The following ZNF703 variants were observed in gnomAD, a reference collection of about 807,000 sequenced individuals.
The protein encoded by ZNF703 is NocA-like zinc finger 1.
ZNF703 carries 18 observed loss-of-function variants against 30.7 expected under a neutral mutation model. The observed-to-expected ratio is 0.59, with a 90% confidence interval of 0.40 to 0.87. The LOEUF (loss-of-function observed/expected upper bound fraction) is 0.87, where lower values mean the gene tolerates loss of function less well. ZNF703 is among the 40% of genes least tolerant of loss of function. The probability of loss-of-function intolerance (pLI) is 0.00; values close to 1 mark genes in which losing one functional copy is unlikely to be tolerated. For missense variants in ZNF703, 814 were observed against 847.8 expected (o/e 0.96, Z 0.50); for synonymous variants, 457 against 438.6 (o/e 1.04, Z -0.52).
Position 37,695,946 on chromosome 8 carries a change from C to T in ZNF703, c.-34C>T. ...CTCGCCTCCCCGGTGCTCCCCCGCC[C>T]TCCCCGCCCCCCCAGCGGCGCTGCC... is the stretch of plus-strand genomic sequence containing the variant. On this transcript the variant is annotated 5_prime_UTR_variant, in exon 1 of 2. Coordinates refer to ENST00000331569, the MANE Select transcript of ZNF703 (RefSeq NM_025069.3). 2 of 1,455,138 alleles carry T rather than the reference C, an allele frequency of 1.4e-6. No individual in the cohort carries two copies. Among genetic ancestry groups the T allele is most frequent in the Non-Finnish European group, 1.8e-6 (2 of 1,099,540 alleles). 90.1% of individuals were successfully genotyped at this position (1,455,138 alleles called of 1,614,324 possible). A position where few individuals can be genotyped will look rare whatever the true frequency, so the allele number is the denominator to read the frequency against.
rs753391960 is a variant in ZNF703, at chr8:37,696,027, C to G, written c.48C>G (p.Ser16Arg). 8.4e-6 allele frequency: 13 copies of G among 1,550,784 alleles called. No homozygotes were observed. Among genetic ancestry groups the G allele is most frequent in the Admixed American group, 5.8e-5 (3 of 51,302 alleles). Reference sequence around the variant, plus strand: ...CTAACCCAAGGACACCCGAAAGCAGCGGCAGCGGCAGCGGCGGCGGCGGGA... The same window carrying G: ...CTAACCCAAGGACACCCGAAAGCAGGGGCAGCGGCAGCGGCGGCGGCGGGA... ...AGSNPRTPESSGSGSGGGGKR... is the reference protein window; with the variant it reads ...AGSNPRTPESRGSGSGGGGKR... The change falls in exon 1 of 2, where the codon AGC becomes AGG. Residue 16 changes from serine to arginine, a missense_variant. Ser to Arg is a moderately radical substitution (Grantham distance 110). Transcript: ENST00000331569. This position sits in a 1 kb window ranked among gnomAD's most constrained non-coding sequence, Gnocchi z 8.2.
rs904162748 is a variant in ZNF703 at position 37,696,959 on chromosome 8, G to T, written c.244-186G>T. On this transcript the variant is annotated intron_variant, in intron 1 of 1. Coordinates refer to ENST00000331569, the MANE Select transcript of ZNF703 (RefSeq NM_025069.3). This position sits in a 1 kb window ranked among gnomAD's most constrained non-coding sequence, Gnocchi z 8.2. Reference sequence around the variant, plus strand: ...CCGCAGGGCCTGCGGCGCACCCCGGGACCCAGCGGCAGTGTGGGCGCAGTT... The same window carrying T: ...CCGCAGGGCCTGCGGCGCACCCCGGTACCCAGCGGCAGTGTGGGCGCAGTT... 6.6e-6 allele frequency among the ~76,000 whole-genome samples: 1 copy of T among 152,056 alleles called. No individual in the cohort carries two copies. Among genetic ancestry groups the T allele is most frequent in the African/African-American group, 2.4e-5 (1 of 41,444 alleles).
rs1802096216 is a variant in ZNF703, at chr8:37,697,724, G to A, written c.823G>A (p.Gly275Arg). 2 of 1,383,160 alleles carry A rather than the reference G, an allele frequency of 1.4e-6. No individual in the cohort carries two copies. The highest frequency in any genetic ancestry group is 1.6e-5 in the South Asian group (1 of 61,108). The allele number at this position is 1,383,160 out of a possible 1,614,324, so 85.7% of individuals were successfully genotyped here. ...CGGGGCGCACGGTGGCGCCGAGTCC[G>A]GGGCCTCCGGGCGCAAGTCCGAGCC... ...EPGAHGGAES[G>R]ASGRKSEPPS... The change falls in exon 2 of 2, where the codon GGG becomes AGG. Residue 275 changes from glycine to arginine, a missense_variant. Physicochemically the swap from Gly to Arg is moderately radical, Grantham distance 125 (BLOSUM62 -2). Coordinates refer to ENST00000331569, the MANE Select transcript of ZNF703 (RefSeq NM_025069.3).
Position 37,698,592 on chromosome 8 carries a change from T to C in ZNF703, c.1691T>C (p.Leu564Pro). The change falls in exon 2 of 2, where the codon CTC becomes CCC. Residue 564 changes from leucine (L) to proline (P), a missense_variant. Transcript: ENST00000331569. Reference protein sequence around the residue: ...STAGGLAVPSLPTAGPYYSPY... With the variant: ...STAGGLAVPSPPTAGPYYSPY... The stretch of plus-strand genomic sequence containing the variant: ...GCGGGGGGCCTGGCCGTGCCGTCCC[T>C]CCCCACAGCCGGACCCTACTATTCG... 1 of 1,561,358 alleles carries C rather than the reference T, an allele frequency of 6.4e-7. No homozygotes were observed. Among genetic ancestry groups the C allele is most frequent in the Non-Finnish European group, 8.6e-7 (1 of 1,156,858 alleles).
chr8:37,697,066 G>A, intron 1 of ZNF703, 79 bp from the exon 2 acceptor site: 1 of 1,396,012 alleles, frequency 7.2e-7, no homozygotes, highest in Non-Finnish European at 9.3e-7. Flanking sequence ...CCGCCGCCCA[G>A]CTCCCCGGGC....
In ZNF703 at chr8:37,697,433, A is replaced by G. The variant is rs1363162734; in HGVS notation, c.532A>G (p.Thr178Ala). The G allele has an allele frequency of 2.7e-5, 41 of 1,544,410 alleles. No homozygotes were observed. The East Asian group carries it at 9.2e-4, about 35-fold the overall frequency. The change falls in exon 2 of 2, where the codon ACC (threonine) becomes GCC (alanine). Residue 178 changes from threonine to alanine, a missense_variant. By Grantham distance (58) the Thr-to-Ala change is moderately conservative (BLOSUM62 0). Transcript: ENST00000331569. ...KDSGSSSVSSTSSSSSSSPGD... is the reference protein window; with the variant it reads ...KDSGSSSVSSASSSSSSSPGD... Reference sequence around the variant, plus strand: ...CAGCGGCTCCTCCTCGGTGTCTTCCACCTCCTCCTCGTCCTCCTCGTCCCC... The same window carrying G: ...CAGCGGCTCCTCCTCGGTGTCTTCCGCCTCCTCCTCGTCCTCCTCGTCCCC...
Position 37,698,692 on chromosome 8 carries a change from C to A in ZNF703, c.*18C>A. 3.5e-6 allele frequency: 5 copies of A among 1,414,038 alleles called. No homozygotes were observed. Among genetic ancestry groups the A allele is most frequent in the Non-Finnish European group, 4.6e-6 (5 of 1,081,454 alleles). The allele number at this position is 1,414,038 out of a possible 1,614,324, so 87.6% of individuals were successfully genotyped here. On this transcript the variant is annotated 3_prime_UTR_variant, in exon 2 of 2. Coordinates refer to ENST00000331569, the MANE Select transcript of ZNF703 (RefSeq NM_025069.3). ...ACCAGTAACTACAGCTCTTCCTCCA[C>A]CCCAGCCCCCTCACCCTCCTCCCTC...
In ZNF703 at chr8:37,696,239, T is replaced by C; in HGVS notation, c.243+17T>C. The C allele has an allele frequency of 2.5e-6, 4 of 1,568,636 alleles. No individual in the cohort carries two copies. Among genetic ancestry groups the C allele is most frequent in the Non-Finnish European group, 3.5e-6 (4 of 1,155,728 alleles). The stretch of plus-strand genomic sequence containing the variant: ...CCCATTGAGGTCAGTCCCCGGCCGC[T>C]GCCCCCGGGCGCCGGCCCCATTCCT... On this transcript the variant is annotated intron_variant, in intron 1 of 1. Transcript: ENST00000331569. This position sits in a 1 kb window ranked among gnomAD's most constrained non-coding sequence, Gnocchi z 8.2.
Position 37,696,120 on chromosome 8 carries a change from G to A in ZNF703, c.141G>A (p.Arg47=), listed in dbSNP as rs150896350. Residue 47 remains arginine, a synonymous_variant, in exon 1 of 2, where the codon CGG becomes CGA. Coordinates refer to ENST00000331569, the MANE Select transcript of ZNF703 (RefSeq NM_025069.3). This position sits in a 1 kb window ranked among gnomAD's most constrained non-coding sequence, Gnocchi z 8.2. ...PPADPLRQAN[R]LPIRVLKMLS... is the part of the protein sequence containing the mutation. ...CGGACCCCCTGCGCCAGGCGAACCG[G>A]CTCCCGATCAGGGTCCTGAAGATGC... 13 of 1,609,672 alleles carry A rather than the reference G, an allele frequency of 8.1e-6. No homozygotes were observed. In the African/African-American group the frequency reaches 1.2e-4, roughly 15 times the overall value.
At chr8:37,697,119 C>T (rs1317905766) in intron 1 of ZNF703, 26 bp from the exon 2 acceptor site, 2 of 1,508,094 alleles carry the variant, frequency 1.3e-6, no homozygotes, top group East Asian at 2.6e-5. Flanking sequence ...ACTCCTTCTC[C>T]CTCCCCCTGC....
In ZNF703 at chr8:37,695,985, C is replaced by T; in HGVS notation, c.6C>T (p.Ser2=). 6.6e-7 allele frequency: 1 copy of T among 1,521,366 alleles called. No homozygotes were observed. The highest frequency in any genetic ancestry group is 8.8e-7 in the Non-Finnish European group (1 of 1,132,342). 94.2% of individuals were successfully genotyped at this position (1,521,366 alleles called of 1,614,324 possible). ...AGCGGCGCTGCCTCCTCCAAATGAGCGATTCGCCCGCTGGATCTAACCCAA... is the reference window on the plus strand; with the variant it reads ...AGCGGCGCTGCCTCCTCCAAATGAGTGATTCGCCCGCTGGATCTAACCCAA... M[S]DSPAGSNPRT... The change falls in exon 1 of 2, where the codon AGC becomes AGT. Residue 2 remains serine (S), a synonymous_variant. Coordinates refer to ENST00000331569, the MANE Select transcript of ZNF703 (RefSeq NM_025069.3).
rs1563298486 is a variant in ZNF703 at position 37,696,228 on chromosome 8, TC to T, written c.243+10del. On this transcript the variant is annotated splice_region_variant and intron_variant, in intron 1 of 1. Transcript: ENST00000331569. This position sits in a 1 kb window ranked among gnomAD's most constrained non-coding sequence, Gnocchi z 8.2. ...CTCCCGTCAGCCCCATTGAGGTCAG[TC>T]CCCGGCCGCTGCCCCCGGGCGCCGG... 6.3e-7 allele frequency: 1 copy of T among 1,582,274 alleles called. No homozygotes were observed. The highest frequency in any genetic ancestry group is 2.3e-5 in the East Asian group (1 of 42,764).
Position 37,696,303 on chromosome 8 carries a change from C to G in ZNF703, c.243+81C>G, listed in dbSNP as rs1349176936. On this transcript the variant is annotated intron_variant, in intron 1 of 1. Transcript: ENST00000331569. The surrounding 1 kb of genome is among the most constrained non-coding windows in gnomAD (Gnocchi z 8.2). ...GGACCCTGACCCAGCTCCCAGCGCCCCGGGGCTCGGTGCGACACCCAAGTC... is the reference window on the plus strand; with the variant it reads ...GGACCCTGACCCAGCTCCCAGCGCCGCGGGGCTCGGTGCGACACCCAAGTC... 44 of 1,473,698 alleles carry G rather than the reference C, an allele frequency of 3.0e-5. 2 individuals carry two copies. The South Asian group carries it at 6.1e-4, about 20-fold the overall frequency. The allele number at this position is 1,473,698 out of a possible 1,614,324, so 91.3% of individuals were successfully genotyped here.
rs1424414620 is a variant in ZNF703 at position 37,698,258 on chromosome 8, C to A, written c.1357C>A (p.Pro453Thr). Reference protein sequence around the residue: ...YTYGFMLQNEPLPHSCNWVAA... With the variant: ...YTYGFMLQNETLPHSCNWVAA... Reference sequence around the variant, plus strand: ...CTACGGCTTCATGCTGCAGAACGAACCGCTGCCGCACAGCTGCAACTGGGT... The same window carrying A: ...CTACGGCTTCATGCTGCAGAACGAAACGCTGCCGCACAGCTGCAACTGGGT... The change falls in exon 2 of 2, where the codon CCG becomes ACG. Residue 453 changes from proline (P) to threonine (T), a missense_variant. Physicochemically the swap from Pro to Thr is conservative, Grantham distance 38. Coordinates refer to ENST00000331569, the MANE Select transcript of ZNF703 (RefSeq NM_025069.3). The A allele has an allele frequency of 1.8e-5, 27 of 1,538,526 alleles. No homozygotes were observed. The highest frequency in any genetic ancestry group is 2.3e-5 in the Non-Finnish European group (26 of 1,147,576).
chr8:37,697,075 G>T, intron 1 of ZNF703, 70 bp from the exon 2 acceptor site: 1 of 1,407,350 alleles, frequency 7.1e-7, no homozygotes, highest in Non-Finnish European at 9.2e-7. Flanking sequence ...AGCTCCCCGG[G>T]CGCCCCCGCT....
Position 37,696,379 on chromosome 8 carries a change from A to G in ZNF703, c.243+157A>G, listed in dbSNP as rs1345920092. ...GAGGGGAAGAAAACCGAGGGATCAG[A>G]GCCCACCAGGGCTTCCCCAGGCTTC... On this transcript the variant is annotated intron_variant, in intron 1 of 1. Coordinates refer to ENST00000331569, the MANE Select transcript of ZNF703 (RefSeq NM_025069.3). The surrounding 1 kb of genome is among the most constrained non-coding windows in gnomAD (Gnocchi z 8.2). 2.6e-5 allele frequency among the ~76,000 whole-genome samples: 4 copies of G among 151,868 alleles called. No homozygotes were observed. The highest frequency in any genetic ancestry group is 5.9e-5 in the Non-Finnish European group (4 of 67,960).
rs533358210 is a variant in ZNF703, at chr8:37,698,945, G to A, written c.*271G>A. 3.8e-4 allele frequency: 142 copies of A among 370,864 alleles called. 1 individual carries two copies. Among genetic ancestry groups the A allele is most frequent in the Non-Finnish European group, 1.5e-4 (31 of 208,806 alleles). 23.0% of individuals were successfully genotyped at this position (370,864 alleles called of 1,614,324 possible). On this transcript the variant is annotated 3_prime_UTR_variant, in exon 2 of 2. Transcript: ENST00000331569. Reference sequence around the variant, plus strand: ...ATATTAATCCCACAAATAACGACATGATCCCCGCCCCTGTTCCTTTCTGTT... The same window carrying A: ...ATATTAATCCCACAAATAACGACATAATCCCCGCCCCTGTTCCTTTCTGTT...
In ZNF703 at chr8:37,696,238, C is replaced by A; in HGVS notation, c.243+16C>A. The A allele has an allele frequency of 6.4e-7, 1 of 1,571,864 alleles. No individual in the cohort carries two copies. The highest frequency in any genetic ancestry group is 8.6e-7 in the Non-Finnish European group (1 of 1,157,562). On this transcript the variant is annotated intron_variant, in intron 1 of 1. Transcript: ENST00000331569. The surrounding 1 kb of genome is among the most constrained non-coding windows in gnomAD (Gnocchi z 8.2). ...CCCCATTGAGGTCAGTCCCCGGCCG[C>A]TGCCCCCGGGCGCCGGCCCCATTCC...
rs1802112440 is a variant in ZNF703, at chr8:37,698,398, G to T, written c.1497G>T (p.Gly499=). The change falls in exon 2 of 2, where the codon GGG becomes GGT. Residue 499 remains glycine (G), a synonymous_variant. Transcript: ENST00000331569. ...GAEKLLAAYP[G]ASGLGSAAAA... ...AGAAACTTCTGGCCGCCTACCCCGG[G>T]GCCTCGGGCCTGGGCAGCGCCGCCG... 4.6e-6 allele frequency: 7 copies of T among 1,520,662 alleles called. No individual in the cohort carries two copies. In the South Asian group the frequency reaches 7.4e-5, roughly 16 times the overall value. 94.2% of individuals were successfully genotyped at this position (1,520,662 alleles called of 1,614,324 possible).
Sources: allele counts gnomAD v4.1 joint callset (sites outside exome capture counted in the v4.1 genomes callset), GRCh38; gene constraint gnomAD v4.1.1; non-coding constraint Gnocchi (gnomAD v3.1); transcripts MANE v1.5; gene names NCBI Gene and HGNC (gene_info 2026-07-23, HGNC 2026-07-21).